LTBP2: variants seen among roughly 807,000 people sequenced by gnomAD.
LTBP2 encodes latent transforming growth factor beta binding protein 2.
In LTBP2, 103 loss-of-function variants were observed where a neutral mutation model predicts 210.6. The ratio of observed to expected loss-of-function variants is 0.49; its 90% CI spans 0.42 to 0.58. The LOEUF is 0.58. Among genes scored for constraint, LTBP2 ranks in the 20% least tolerant of loss-of-function variants. LTBP2 has a pLI of 0.00. For missense variants in LTBP2, 2,313 were observed against 2,494.5 expected (o/e 0.93, Z 1.55); for synonymous variants, 1,007 against 1,015.0 (o/e 0.99, Z 0.15).
intron 2 of LTBP2, among the ~76,000 whole-genome samples, chr14:74,600,843 C>T (rs2088436714): frequency 6.6e-6 from 1 of 152,202 alleles, no homozygotes; most frequent in African/African-American, 2.4e-5. Flanking sequence ...AAGTGTGGTC[C>T]CTGGGCCAGC....
chr14:74,504,174 T>A, intron 30 of LTBP2, 120 bp from the exon 31 acceptor site: 1 of 1,285,826 alleles, frequency 7.8e-7, no homozygotes, highest in Non-Finnish European at 1.1e-6. Flanking sequence ...TAGGTGGCTT[T>A]GGGCAAGTTG....
rs543361325 is a variant in LTBP2, at chr14:74,577,372, C to T, written c.830+8482G>A. Among the ~76,000 whole-genome samples, 56 of 152,184 alleles carry T rather than the reference C, an allele frequency of 3.7e-4. No individual in the cohort carries two copies. In the South Asian group the frequency reaches 9.9e-3, roughly 27 times the overall value. On this transcript the variant is annotated intron_variant, in intron 3 of 35. Transcript: ENST00000261978. ...AGGCTTGCCAAGGTGTCAGGGACAG[C>T]GAAGGTCTGCCCTGGTGAGAGGCTC...
chr14:74,564,282 TA>T (rs1230977188), intron 3 of LTBP2, among the ~76,000 whole-genome samples: 4 of 65,856 alleles, frequency 6.1e-5, no homozygotes, highest in East Asian at 9.0e-4. Flanking sequence ...TTTATATATA[TA>T]TTTATATATA....
At chr14:74,519,116 A>G (rs1020835939) in intron 17 of LTBP2, among the ~76,000 whole-genome samples, 1 of 152,266 alleles carries the variant, frequency 6.6e-6, no homozygotes, top group Non-Finnish European at 1.5e-5. Context: ...ATTAAGGTAT[A>G]GGAGAATATC....
At position 74,503,993 on chromosome 14, in the gene LTBP2, G is replaced by T. The variant is rs142851664; in HGVS notation, c.4515C>A (p.Thr1505=). Residue 1505 remains threonine, a synonymous_variant, in exon 31 of 36, where the codon ACC becomes ACA. Coordinates refer to ENST00000261978, the MANE Select transcript of LTBP2 (RefSeq NM_000428.3). ...TGCACAGGCAGACATAACCAGGCACGGTGTTGAGGCACCGGCCGTTCGGGC... is the reference window on the plus strand; with the variant it reads ...TGCACAGGCAGACATAACCAGGCACTGTGTTGAGGCACCGGCCGTTCGGGC... ...GLCPNGRCLN[T]VPGYVCLCNP... 6.2e-6 allele frequency: 10 copies of T among 1,614,040 alleles called. No individual in the cohort carries two copies. In the East Asian group the frequency reaches 1.6e-4, roughly 25 times the overall value.
chr14:74,566,164 A>G (rs1273466136), intron 3 of LTBP2, among the ~76,000 whole-genome samples: 2 of 152,066 alleles, frequency 1.3e-5, no homozygotes, highest in Admixed American at 6.5e-5. Context: ...AATTAAGTAT[A>G]TTGATATTTC....
intron 17 of LTBP2, among the ~76,000 whole-genome samples, chr14:74,517,380 T>C (rs1327370816): frequency 6.6e-6 from 1 of 150,884 alleles, no homozygotes; most frequent in African/African-American, 2.4e-5. Context: ...TGAGACGGAG[T>C]TTCGCTCTTG....
At chr14:74,512,048 C>G (rs559771235) in intron 18 of LTBP2, among the ~76,000 whole-genome samples, 1 of 152,176 alleles carries the variant, frequency 6.6e-6, no homozygotes, top group Admixed American at 6.5e-5. Context: ...ACCCAGGGGA[C>G]GAGAGGACCC....
rs533189968 is a variant in LTBP2 at position 74,510,287 on chromosome 14, A to T, written c.3029-74T>A. On this transcript the variant is annotated intron_variant, in intron 19 of 35. Coordinates refer to ENST00000261978, the MANE Select transcript of LTBP2 (RefSeq NM_000428.3). ...CAGCCCCCGCTGGCAGGCTCCAAGC[A>T]TCTCAGTTATGAGGCCAGGGAACCA... 6.3e-5 allele frequency: 100 copies of T among 1,596,226 alleles called. No homozygotes were observed. In the African/African-American group the frequency reaches 1.3e-3, roughly 21 times the overall value.
At position 74,508,586 on chromosome 14, in the gene LTBP2, G is replaced by T. The variant is rs1484852248; in HGVS notation, c.3652+18C>A. 1 of 1,600,474 alleles carries T rather than the reference G, an allele frequency of 6.2e-7. No homozygotes were observed. Among genetic ancestry groups the T allele is most frequent in the Admixed American group, 1.7e-5 (1 of 59,538 alleles). ...CCCATGCTCCTGGCCAGTAGAGGTAGCTGTGCTGGCTTCTCACCCTGGCAG... is the reference window on the plus strand; with the variant it reads ...CCCATGCTCCTGGCCAGTAGAGGTATCTGTGCTGGCTTCTCACCCTGGCAG... On this transcript the variant is annotated intron_variant, in intron 24 of 35. Transcript: ENST00000261978.
intron 1 of LTBP2, among the ~76,000 whole-genome samples, chr14:74,609,213 G>A (rs1449678283): frequency 1.3e-5 from 2 of 152,174 alleles, no homozygotes; most frequent in East Asian, 3.9e-4. Context: ...CTGACATGGA[G>A]TGGCTGACTG....
At chr14:74,502,470 T>C (rs1021031494) in intron 34 of LTBP2, 183 bp downstream of exon 34, 1 of 756,236 alleles carries the variant, frequency 1.3e-6, no homozygotes, top group South Asian at 1.5e-5. Flanking sequence ...ATGACGGAGT[T>C]GTTAGGGTCG....
At chr14:74,567,468 G>C (rs1476832465) in intron 3 of LTBP2, among the ~76,000 whole-genome samples, 1 of 152,162 alleles carries the variant, frequency 6.6e-6, no homozygotes, top group Non-Finnish European at 1.5e-5. Context: ...GGCAGAGGCG[G>C]GGTGGGGGTG....
chr14:74,515,999 G>A (rs2087129510), intron 18 of LTBP2, among the ~76,000 whole-genome samples: 1 of 152,202 alleles, frequency 6.6e-6, no homozygotes, highest in African/African-American at 2.4e-5. Flanking sequence ...CTTTCACAAA[G>A]TACACAAGCT....
chr14:74,586,056 G>C lies in LTBP2; in HGVS notation c.628C>G (p.Arg210Gly), dbSNP rs1203026458. 22 of 1,601,928 alleles carry C rather than the reference G, an allele frequency of 1.4e-5. No homozygotes were observed. The highest frequency in any genetic ancestry group is 1.9e-5 in the Non-Finnish European group (22 of 1,174,656). The change falls in exon 3 of 36, where the codon CGC becomes GGC. Residue 210 changes from arginine to glycine, a missense_variant. By Grantham distance (125) the Arg-to-Gly change is moderately radical (BLOSUM62 -2). This residue lies in a region of LTBP2 where 1,867 missense variants were observed against 1,976.9 expected (regional missense o/e 0.94). Transcript: ENST00000261978. This position sits in a 1 kb window ranked among gnomAD's most constrained non-coding sequence, Gnocchi z 4.6. Reference protein sequence around the residue: ...SCSRPQLCVCRSGFRGARCEE... With the variant: ...SCSRPQLCVCGSGFRGARCEE... Reference sequence around the variant, plus strand: ...CAGCGGGCTCCACGGAAACCAGAGCGGCAGACACAGAGCTGCGGGCGGCTG... The same window carrying C: ...CAGCGGGCTCCACGGAAACCAGAGCCGCAGACACAGAGCTGCGGGCGGCTG...
rs1284528086 is a variant in LTBP2 at position 74,499,871 on chromosome 14, AGGGCAG to A, written c.*1007_*1012del. 1.7e-5 allele frequency: 4 copies of A among 230,934 alleles called. No individual in the cohort carries two copies. The highest frequency in any genetic ancestry group is 6.6e-5 in the African/African-American group (3 of 45,224). The allele number at this position is 230,934 out of a possible 1,614,324, so 14.3% of individuals were successfully genotyped here. A position where few individuals can be genotyped will look rare whatever the true frequency, so the allele number is the denominator to read the frequency against. On this transcript the variant is annotated 3_prime_UTR_variant, in exon 36 of 36. Coordinates refer to ENST00000261978, the MANE Select transcript of LTBP2 (RefSeq NM_000428.3). ...GCCTGCCATCGTTTTCTGAAGGGAAAGGGCAGGGGTTTCTGAGTGGAGGGGAAAAAC... is the reference window on the plus strand; with the variant it reads ...GCCTGCCATCGTTTTCTGAAGGGAAAGGGTTTCTGAGTGGAGGGGAAAAAC...
intron 2 of LTBP2, among the ~76,000 whole-genome samples, chr14:74,590,093 G>C (rs774029210): frequency 2.0e-5 from 3 of 152,156 alleles, no homozygotes; most frequent in Non-Finnish European, 2.9e-5. Context: ...ACCACAATGA[G>C]ATACCACCTT....
At chr14:74,543,286 G>A (rs1475926733) in intron 8 of LTBP2, among the ~76,000 whole-genome samples, 1 of 148,498 alleles carries the variant, frequency 6.7e-6, no homozygotes, top group Admixed American at 6.8e-5. Context: ...GCTGAGGCAG[G>A]AGAATGGCAT....
chr14:74,539,836 C>G (rs1177392604), intron 8 of LTBP2, among the ~76,000 whole-genome samples: 2 of 152,228 alleles, frequency 1.3e-5, no homozygotes, highest in Non-Finnish European at 2.9e-5. Context: ...CTGCAGAAAA[C>G]TGTGAGAACC....
Sources: gnomAD v4.1 joint callset for allele counts (sites outside exome capture counted in the v4.1 genomes callset) on GRCh38, gnomAD v4.1.1 for gene constraint, gnomAD v4.1.1 regional missense constraint, Gnocchi (gnomAD v3.1) non-coding constraint, MANE v1.5 for transcripts, NCBI Gene and HGNC (gene_info 2026-07-23, HGNC 2026-07-21) for gene names.